The following SLC1A2 variants were observed in gnomAD, a reference collection of about 807,000 sequenced individuals.
The protein encoded by SLC1A2 is solute carrier family 1 member 2.
Under a neutral mutation model 48.8 loss-of-function variants are expected in SLC1A2, and 15 were observed. The ratio of observed to expected loss-of-function variants is 0.31; its 90% CI spans 0.21 to 0.47. SLC1A2 has a LOEUF of 0.47. SLC1A2 is among the 20% of genes least tolerant of loss of function. SLC1A2 has a pLI of 0.99. For missense variants in SLC1A2, 502 were observed against 730.5 expected, an observed-to-expected ratio of 0.69 and a Z score of 3.61; for synonymous variants, 279 against 272.6, an observed-to-expected ratio of 1.02 and a Z score of -0.23.
intron 1 of SLC1A2, among the ~76,000 whole-genome samples, chr11:35,394,365 T>C (rs1301839237): frequency 2.0e-5 from 3 of 152,144 alleles, no homozygotes; most frequent in Admixed American, 6.5e-5. Flanking sequence ...GTGATGTTGG[T>C]GTCCACAGAT....
At chr11:35,333,626 A>G (rs1456031353) in intron 1 of SLC1A2, among the ~76,000 whole-genome samples, 2 of 152,090 alleles carry the variant, frequency 1.3e-5, no homozygotes, top group Non-Finnish European at 2.9e-5. Context: ...CCTTTAATTT[A>G]TAGTAAGATA....
intron 1 of SLC1A2, among the ~76,000 whole-genome samples, chr11:35,400,708 T>C (rs1413588785): frequency 6.6e-6 from 1 of 152,212 alleles, no homozygotes; most frequent in Non-Finnish European, 1.5e-5. Flanking sequence ...TTTTTAAGTC[T>C]AACTACTTGA....
At chr11:35,266,457 T>A (rs1243587570) in intron 9 of SLC1A2, among the ~76,000 whole-genome samples, 1 of 152,212 alleles carries the variant, frequency 6.6e-6, no homozygotes, top group Non-Finnish European at 1.5e-5. Flanking sequence ...TCTTCCAGAA[T>A]GTTTCTGGAA....
chr11:35,260,859 G>A lies in SLC1A2; in HGVS notation c.*35C>T. The A allele has an allele frequency of 7.1e-7, 1 of 1,401,772 alleles. No homozygotes were observed. The highest frequency in any genetic ancestry group is 2.3e-5 in the East Asian group (1 of 43,900). 86.8% of individuals were successfully genotyped at this position (1,401,772 alleles called of 1,614,324 possible). On this transcript the variant is annotated 3_prime_UTR_variant, in exon 11 of 11. Coordinates refer to ENST00000278379, the MANE Select transcript of SLC1A2 (RefSeq NM_004171.4). ...CATCAGTTACCATAGGATACGCTGG[G>A]GAGTTTATTCAAGAATTTGCTGAGA... is the stretch of plus-strand genomic sequence containing the variant.
chr11:35,317,999 C>T (rs546393387), intron 1 of SLC1A2, among the ~76,000 whole-genome samples: 7 of 152,270 alleles, frequency 4.6e-5, no homozygotes, highest in South Asian at 4.1e-4. Flanking sequence ...GACATGTAAA[C>T]GTCACAAACA....
intron 1 of SLC1A2, among the ~76,000 whole-genome samples, chr11:35,379,446 G>A (rs1802960645): frequency 6.6e-6 from 1 of 152,102 alleles, no homozygotes; most frequent in African/African-American, 2.4e-5. Context: ...TAAAATCCTG[G>A]GTAAGCAAAC....
At chr11:35,379,223 C>G (rs1854339209) in intron 1 of SLC1A2, among the ~76,000 whole-genome samples, 1 of 152,098 alleles carries the variant, frequency 6.6e-6, no homozygotes, top group South Asian at 2.1e-4. Context: ...GAGCAAAACT[C>G]TGTCTCAAAA....
chr11:35,289,439 A>G (rs949475054), intron 7 of SLC1A2, among the ~76,000 whole-genome samples: 8 of 141,434 alleles, frequency 5.7e-5, no homozygotes, highest in Admixed American at 2.9e-4. Context: ...AAAGATTAAA[A>G]CCACTTTTTT....
chr11:35,400,202 A>G (rs1855092553), intron 1 of SLC1A2, among the ~76,000 whole-genome samples: 1 of 152,256 alleles, frequency 6.6e-6, no homozygotes. Flanking sequence ...GAGACAGGTC[A>G]GCATAGGTGT....
intron 1 of SLC1A2, among the ~76,000 whole-genome samples, chr11:35,333,242 A>C (rs947412613): frequency 2.0e-5 from 3 of 151,968 alleles, no homozygotes; most frequent in Admixed American, 6.6e-5. Context: ...GTGAAACCCC[A>C]TCTCTACTAA....
intron 1 of SLC1A2, among the ~76,000 whole-genome samples, chr11:35,361,234 T>C (rs1853671542): frequency 6.6e-6 from 1 of 152,184 alleles, no homozygotes; most frequent in Non-Finnish European, 1.5e-5. Context: ...TGCCCACTTT[T>C]GGAGGCTAAG....
intron 1 of SLC1A2, among the ~76,000 whole-genome samples, chr11:35,404,865 A>T (rs906964756): frequency 6.6e-6 from 1 of 152,246 alleles, no homozygotes; most frequent in Non-Finnish European, 1.5e-5. Flanking sequence ...TCCCTGTCAG[A>T]GCAGACGAGA....
At chr11:35,333,167 A>C (rs3930590) in intron 1 of SLC1A2, among the ~76,000 whole-genome samples, 122,168 of 152,130 alleles carry the variant, frequency 0.8, 49,684 homozygotes, top group East Asian at 0.93. Flanking sequence ...AATCCCAGCA[A>C]TTTGGGAGGC....
chr11:35,406,639 G>GAA (rs112697411), intron 1 of SLC1A2, among the ~76,000 whole-genome samples: 1 of 150,510 alleles, frequency 6.6e-6, no homozygotes, highest in Non-Finnish European at 1.5e-5. Flanking sequence ...GCTGAAGGAA[G>GAA]AAAAAAAAGG....
chr11:35,329,045 A>G (rs1852340232), intron 1 of SLC1A2, among the ~76,000 whole-genome samples: 1 of 152,260 alleles, frequency 6.6e-6, no homozygotes, highest in African/African-American at 2.4e-5. Context: ...GTACATGCAG[A>G]CAATGCAATA....
rs898446944 is a variant in SLC1A2, at chr11:35,251,243, A to G, written c.*9651T>C. 2.0e-5 allele frequency: 3 copies of G among 152,658 alleles called. No homozygotes were observed. The highest frequency in any genetic ancestry group is 4.8e-5 in the African/African-American group (2 of 41,462). The allele number at this position is 152,658 out of a possible 1,614,324, so 9.5% of individuals were successfully genotyped here. ...ACATTTATTGATGAGAGATATATAC[A>G]CAAAAGTTAAAACACTTAGTGAAAT... On this transcript the variant is annotated 3_prime_UTR_variant, in exon 11 of 11. Coordinates refer to ENST00000278379, the MANE Select transcript of SLC1A2 (RefSeq NM_004171.4).
intron 1 of SLC1A2, among the ~76,000 whole-genome samples, chr11:35,394,709 T>A (rs1854898328): frequency 6.6e-6 from 1 of 151,908 alleles, no homozygotes; most frequent in South Asian, 2.1e-4. Context: ...TCAGTGGGAG[T>A]GGCCAGTGCC....
At chr11:35,314,753 T>A in intron 3 of SLC1A2, among the ~76,000 whole-genome samples, 1 of 151,340 alleles carries the variant, frequency 6.6e-6, no homozygotes. Flanking sequence ...GTATCATCAC[T>A]TGTAACATGT....
At chr11:35,322,984 C>A (rs1316256166) in intron 1 of SLC1A2, 3 of 568,834 alleles carry the variant, frequency 5.3e-6, no homozygotes, top group Middle Eastern at 4.7e-4. Context: ...GTTTACCAAC[C>A]AAGATGTCAG....
Sources: gnomAD v4.1 joint callset for allele counts (sites outside exome capture counted in the v4.1 genomes callset) on GRCh38, gnomAD v4.1.1 for gene constraint, MANE v1.5 for transcripts, NCBI Gene and HGNC (gene_info 2026-07-23, HGNC 2026-07-21) for gene names.